Variants in NRXN1 observed in about 807,000 individuals in gnomAD.
NRXN1 encodes the protein neurexin 1.
NRXN1 carries 39 observed loss-of-function variants against 150.9 expected under a neutral mutation model. The observed-to-expected ratio is 0.26, with a 90% CI of 0.20 to 0.34. NRXN1 has a LOEUF of 0.34. Ranked by LOEUF, NRXN1 falls within the 10% of genes least tolerant of loss-of-function variation. NRXN1 has a pLI of 1.00. For missense variants in NRXN1, 1,815 were observed against 1,949.9 expected (o/e 0.93, Z 1.30); for synonymous variants, 924 against 757.0 (o/e 1.22, Z -3.62).
At chr2:50,074,074 T>G (rs1022189009) in intron 19 of NRXN1, among the ~76,000 whole-genome samples, 1 of 152,122 alleles carries the variant, frequency 6.6e-6, no homozygotes, top group Non-Finnish European at 1.5e-5. Flanking sequence ...ATTTGGCTAG[T>G]CTTTAAAATA....
At chr2:50,598,737 T>C (rs973758992) in intron 8 of NRXN1, among the ~76,000 whole-genome samples, 1 of 147,404 alleles carries the variant, frequency 6.8e-6, no homozygotes, top group South Asian at 2.1e-4. Flanking sequence ...CATATATATG[T>C]ATATATATAT....
In NRXN1 at chr2:50,282,747, A is replaced by G. The variant is rs1427303636; in HGVS notation, c.3365-45777T>C. 1.3e-5 allele frequency among the ~76,000 whole-genome samples: 2 copies of G among 152,202 alleles called. 1 individual carries two copies. Among genetic ancestry groups the G allele is most frequent in the Admixed American group, 1.3e-4 (2 of 15,278 alleles). On this transcript the variant is annotated intron_variant, in intron 17 of 22. Coordinates refer to ENST00000401669, the MANE Select transcript of NRXN1 (RefSeq NM_001330078.2). ...TTGAAAATATGACTCAATTCCAAAG[A>G]AAATCCAAGTTAAAATTTTTTTCCA...
intron 5 of NRXN1, among the ~76,000 whole-genome samples, chr2:50,859,802 TAC>T (rs993994446): frequency 1.4e-4 from 21 of 148,836 alleles, no homozygotes; most frequent in East Asian, 1.2e-3. Flanking sequence ...ACATATTATA[TAC>T]ACACACACAT....
At chr2:50,368,412 C>A (rs914965946) in intron 17 of NRXN1, among the ~76,000 whole-genome samples, 2 of 151,812 alleles carry the variant, frequency 1.3e-5, no homozygotes, top group African/African-American at 2.4e-5. Context: ...TTACAAAAAA[C>A]CTGGGGATTT....
At chr2:50,533,945 G>T (rs2093185959) in intron 10 of NRXN1, among the ~76,000 whole-genome samples, 2 of 152,040 alleles carry the variant, frequency 1.3e-5, no homozygotes, top group Admixed American at 6.6e-5. Context: ...ACCATTTCTT[G>T]TTTGTAGAGT....
At chr2:50,783,771 A>G (rs1159528494) in intron 5 of NRXN1, among the ~76,000 whole-genome samples, 1 of 152,116 alleles carries the variant, frequency 6.6e-6, no homozygotes, top group South Asian at 2.1e-4. Context: ...GGAATAACTC[A>G]TTCTGAACCA....
chr2:50,550,920 A>T (rs1370262058), intron 9 of NRXN1, among the ~76,000 whole-genome samples: 1 of 151,806 alleles, frequency 6.6e-6, no homozygotes, highest in Non-Finnish European at 1.5e-5. Context: ...TGACCTCGTG[A>T]TCTGCCTGCC....
intron 8 of NRXN1, among the ~76,000 whole-genome samples, chr2:50,559,749 A>G (rs1457123735): frequency 6.6e-6 from 1 of 152,202 alleles, no homozygotes; most frequent in African/African-American, 2.4e-5. Flanking sequence ...TATATAGATA[A>G]GTAGATAATA....
At chr2:50,290,836 T>C (rs184473535) in intron 17 of NRXN1, among the ~76,000 whole-genome samples, 1 of 152,280 alleles carries the variant, frequency 6.6e-6, no homozygotes, top group East Asian at 1.9e-4. Flanking sequence ...ATGTAGCTGT[T>C]CTAGAAGGCA....
At chr2:50,753,813 G>A (rs996660721) in intron 5 of NRXN1, among the ~76,000 whole-genome samples, 3 of 151,790 alleles carry the variant, frequency 2.0e-5, no homozygotes, top group Non-Finnish European at 4.4e-5. Flanking sequence ...ATCCCTAAGT[G>A]AGAGAATTTT....
At chr2:50,357,118 A>T (rs1324999346) in intron 17 of NRXN1, among the ~76,000 whole-genome samples, 2 of 151,900 alleles carry the variant, frequency 1.3e-5, no homozygotes, top group African/African-American at 4.8e-5. Flanking sequence ...CTCTACAAAA[A>T]ATTTAAAAAA....
chr2:50,828,974 C>G (rs1161445252), intron 5 of NRXN1, among the ~76,000 whole-genome samples: 1 of 152,224 alleles, frequency 6.6e-6, no homozygotes, highest in Non-Finnish European at 1.5e-5. Context: ...CGTCTGCAAT[C>G]CCGGCACCTC....
intron 18 of NRXN1, among the ~76,000 whole-genome samples, chr2:50,111,999 T>C (rs954540393): frequency 1.3e-5 from 2 of 152,098 alleles, no homozygotes; most frequent in African/African-American, 4.8e-5. Flanking sequence ...AGGGCACCAC[T>C]TTTCCATCAA....
intron 8 of NRXN1, among the ~76,000 whole-genome samples, chr2:50,597,209 T>A (rs1004724083): frequency 5.3e-5 from 8 of 152,118 alleles, no homozygotes; most frequent in Non-Finnish European, 1.0e-4. Flanking sequence ...CATGGCTCTG[T>A]CTTAGGCTTT....
At chr2:50,940,562 A>G (rs1428089457) in intron 2 of NRXN1, among the ~76,000 whole-genome samples, 1 of 152,154 alleles carries the variant, frequency 6.6e-6, no homozygotes, top group Admixed American at 6.5e-5. Flanking sequence ...CACAAGTTTG[A>G]ATACAACTTC....
At chr2:50,608,462 T>C (rs1573768264) in intron 8 of NRXN1, among the ~76,000 whole-genome samples, 2 of 152,156 alleles carry the variant, frequency 1.3e-5, no homozygotes, top group East Asian at 3.9e-4. Context: ...AGTAAATCTC[T>C]AGGTATGCTA....
chr2:50,692,587 AC>A (rs1302361344), intron 5 of NRXN1, among the ~76,000 whole-genome samples: 3 of 152,148 alleles, frequency 2.0e-5, no homozygotes, highest in Non-Finnish European at 4.4e-5. Flanking sequence ...TCAATCATCT[AC>A]CACAACTTTA....
At chr2:50,345,583 G>A (rs1252057765) in intron 17 of NRXN1, among the ~76,000 whole-genome samples, 1 of 152,172 alleles carries the variant, frequency 6.6e-6, no homozygotes, top group Non-Finnish European at 1.5e-5. Flanking sequence ...TGGGAGTGGG[G>A]AACGACTCAC....
At chr2:49,956,887 T>G (rs949430594) in intron 21 of NRXN1, among the ~76,000 whole-genome samples, 1 of 152,134 alleles carries the variant, frequency 6.6e-6, no homozygotes, top group African/African-American at 2.4e-5. Flanking sequence ...TTTAAGTTAC[T>G]AAGCTGCCTA....
Sources: gnomAD v4.1 joint callset for allele counts (sites outside exome capture counted in the v4.1 genomes callset) on GRCh38, gnomAD v4.1.1 for gene constraint, MANE v1.5 for transcripts, NCBI Gene and HGNC (gene_info 2026-07-23, HGNC 2026-07-21) for gene names.